TBL1Y: variants seen among roughly 807,000 people sequenced by gnomAD.
TBL1Y encodes transducin beta like 1 Y-linked, also known as F-box-like/WD repeat-containing protein TBL1Y.
A neutral mutation model predicts 12.0 loss-of-function variants in TBL1Y; 15 were observed. The ratio of observed to expected loss-of-function variants is 1.25; its 90% CI spans 0.83 to 1.92. The LOEUF (loss-of-function observed/expected upper bound fraction) is 1.92. Ranked by LOEUF, TBL1Y falls within the 40% of genes most tolerant of loss-of-function variation. The pLI is 0.00. For missense variants in TBL1Y, 148 were observed against 116.7 expected (o/e 1.27, Z -1.24); for synonymous variants, 53 against 42.6 (o/e 1.24, Z -0.95).
chrY:6,957,654 G>T, intron 2 of TBL1Y, among the ~76,000 whole-genome samples: 1 of 33,403 alleles, frequency 3.0e-5, no homozygotes, highest in Non-Finnish European at 7.4e-5. Context: ...AAAGAAAAAT[G>T]CAATATCATA....
At chrY:7,002,828 C>G (rs918984769) in intron 4 of TBL1Y, among the ~76,000 whole-genome samples, 2 of 33,650 alleles carry the variant, frequency 5.9e-5, no homozygotes, top group Non-Finnish European at 1.5e-4. Context: ...GCTTATCTGC[C>G]TTGTGACTTT....
intron 4 of TBL1Y, among the ~76,000 whole-genome samples, chrY:7,002,606 G>T: frequency 5.9e-5 from 2 of 33,841 alleles, no homozygotes; most frequent in Admixed American, 5.4e-4. Context: ...CGAGTGGAGT[G>T]CAGGAAAGTG....
chrY:7,063,148 C>A (rs984945863), intron 7 of TBL1Y, among the ~76,000 whole-genome samples: 10 of 33,618 alleles, frequency 3.0e-4, no homozygotes, highest in African/African-American at 5.8e-4. Context: ...CAGAGACAGT[C>A]CCCAGTGGGG....
intron 2 of TBL1Y, among the ~76,000 whole-genome samples, chrY:6,977,486 C>T (rs923153089): frequency 1.5e-4 from 5 of 33,204 alleles, no homozygotes; most frequent in Admixed American, 1.4e-3. Flanking sequence ...TGTCAAATGT[C>T]TCTTGGAGGG....
At chrY:7,055,191 GA>G (rs2012819457) in intron 7 of TBL1Y, among the ~76,000 whole-genome samples, 1 of 33,616 alleles carries the variant, frequency 3.0e-5, no homozygotes, top group African/African-American at 1.2e-4. Flanking sequence ...GCGCTATGGA[GA>G]GGAAATTTCC....
At chrY:7,001,576 A>G in intron 4 of TBL1Y, among the ~76,000 whole-genome samples, 5 of 32,010 alleles carry the variant, frequency 1.6e-4, no homozygotes, top group Admixed American at 5.7e-4. Context: ...CTGAGATTGC[A>G]TTACTGTACT....
intron 5 of TBL1Y, among the ~76,000 whole-genome samples, chrY:7,023,244 G>A (rs2012591952): frequency 3.1e-5 from 1 of 32,234 alleles, no homozygotes; most frequent in Non-Finnish European, 7.5e-5. Context: ...TGGGCACTGC[G>A]GCTTAGAAAG....
chrY:7,085,239 G>A (rs2013121657), intron 14 of TBL1Y, among the ~76,000 whole-genome samples: 1 of 30,953 alleles, frequency 3.2e-5, no homozygotes, highest in Admixed American at 3.0e-4. Flanking sequence ...GCTGGGTGTG[G>A]TGGTGCCTGC....
At chrY:7,024,428 A>T (rs985076548) in intron 5 of TBL1Y, among the ~76,000 whole-genome samples, 3 of 33,543 alleles carry the variant, frequency 8.9e-5, no homozygotes, top group Admixed American at 8.2e-4. Flanking sequence ...CTTTTTAATG[A>T]TTGCCATTCT....
chrY:6,989,209 CA>C (rs2012345607), intron 3 of TBL1Y, among the ~76,000 whole-genome samples: 1 of 31,073 alleles, frequency 3.2e-5, no homozygotes, highest in Admixed American at 2.9e-4. Flanking sequence ...GACTCCATTT[CA>C]AAAAAAAATC....
intron 3 of TBL1Y, among the ~76,000 whole-genome samples, chrY:6,991,928 C>G (rs765201235): frequency 2.9e-5 from 1 of 34,131 alleles, no homozygotes; most frequent in Admixed American, 2.6e-4. Flanking sequence ...ACCTCTGAAA[C>G]CTTGGGGAAT....
intron 4 of TBL1Y, among the ~76,000 whole-genome samples, chrY:7,014,428 CT>C (rs2012536680): frequency 6.4e-5 from 2 of 31,139 alleles, no homozygotes; most frequent in African/African-American, 1.3e-4. Flanking sequence ...AATTAATCCT[CT>C]TTTTTTTCTT....
At chrY:7,008,372 C>T in intron 4 of TBL1Y, among the ~76,000 whole-genome samples, 1 of 32,609 alleles carries the variant, frequency 3.1e-5, no homozygotes, top group Admixed American at 2.9e-4. Flanking sequence ...GACGGTGATG[C>T]AGTGGAGATC....
At chrY:7,048,876 G>T (rs2012777326) in intron 7 of TBL1Y, among the ~76,000 whole-genome samples, 1 of 33,523 alleles carries the variant, frequency 3.0e-5, no homozygotes, top group African/African-American at 1.2e-4. Flanking sequence ...TAAGTAAAAG[G>T]CATTACATTT....
At chrY:6,971,699 C>T in intron 2 of TBL1Y, among the ~76,000 whole-genome samples, 1 of 33,226 alleles carries the variant, frequency 3.0e-5, no homozygotes, top group Non-Finnish European at 7.4e-5. Context: ...ACTTCTGCGT[C>T]CCATGTTCAA....
intron 2 of TBL1Y, among the ~76,000 whole-genome samples, chrY:6,945,325 A>C (rs2011977678): frequency 3.6e-5 from 1 of 27,762 alleles, no homozygotes; most frequent in Non-Finnish European, 8.4e-5. Context: ...GCCTCCCTAC[A>C]GCTTTTCCCC....
chrY:7,011,759 C>T, intron 4 of TBL1Y, among the ~76,000 whole-genome samples: 1 of 33,898 alleles, frequency 3.0e-5, no homozygotes, highest in Non-Finnish European at 7.3e-5. Flanking sequence ...TAATGCATTA[C>T]GAGTGCGCAG....
chrY:6,928,795 C>G (rs2011843555), intron 2 of TBL1Y, among the ~76,000 whole-genome samples: 1 of 33,029 alleles, frequency 3.0e-5, no homozygotes, highest in Admixed American at 2.7e-4. Context: ...TGTGTTTTAG[C>G]CCTGTTTGTG....
intron 7 of TBL1Y, among the ~76,000 whole-genome samples, chrY:7,052,602 G>A: frequency 2.9e-5 from 1 of 33,950 alleles, no homozygotes; most frequent in East Asian, 7.7e-4. Flanking sequence ...TGCCATGTCC[G>A]GTTTCCACTG....
Sources: allele counts gnomAD v4.1 joint callset (sites outside exome capture counted in the v4.1 genomes callset), GRCh38; gene constraint gnomAD v4.1.1; transcripts MANE v1.5; gene names NCBI Gene and HGNC (gene_info 2026-07-23, HGNC 2026-07-21).